The following KRT34 variants were observed in gnomAD, a reference collection of about 807,000 sequenced individuals.
KRT34 encodes the protein keratin 34, also known as keratin, type I cuticular Ha4.
Under a neutral mutation model 41.7 loss-of-function variants are expected in KRT34, and 31 were observed. That is an observed-to-expected ratio of 0.74 (90% CI 0.56 to 1.00). The LOEUF (loss-of-function observed/expected upper bound fraction) is 1.00, where lower values mean the gene tolerates loss of function less well. Ranked by LOEUF, KRT34 falls within the 50% of genes least tolerant of loss-of-function variation. KRT34 has a pLI of 0.00. For missense variants in KRT34, 523 were observed against 500.3 expected (o/e 1.05, Z -0.43); for synonymous variants, 224 against 212.9 (o/e 1.05, Z -0.45).
chr17:41,378,491 A>G (rs943860239), intron 6 of KRT34, among the ~76,000 whole-genome samples: 1 of 152,056 alleles, frequency 6.6e-6, no homozygotes, highest in African/African-American at 2.4e-5. Flanking sequence ...GGGTTTCACC[A>G]TGTTGGCCAG....
Position 41,379,624 on chromosome 17 carries a change from A to T in KRT34, c.696T>A (p.Tyr232Ter). 1 of 1,614,108 alleles carries T rather than the reference A, an allele frequency of 6.2e-7. No homozygotes were observed. The highest frequency in any genetic ancestry group is 1.1e-5 in the South Asian group (1 of 91,086). Residue 232 changes from tyrosine to a stop codon, truncating the protein, a stop_gained, in exon 4 of 7, where the codon TAT becomes TAA. Transcript: ENST00000394001. LOFTEE classifies it high-confidence loss of function. ...TGCGGTTAATTTCCACCAGAGCCTC[A>T]TACTGACTCCTGGTCTCGTTCAGGA... is the stretch of plus-strand genomic sequence containing the variant. ...NQVLNETRSQYEALVEINRRE... is the reference protein window; with the variant it reads ...NQVLNETRSQ
intron 2 of KRT34, 56 bp from the exon 3 acceptor site, chr17:41,381,268 A>T (rs577124838): frequency 6.4e-7 from 1 of 1,564,268 alleles, no homozygotes; most frequent in Admixed American, 1.8e-5. Context: ...TTCCCCTCTC[A>T]TGTGTTGTTT....
intron 6 of KRT34, 110 bp downstream of exon 6, chr17:41,378,846 T>C: frequency 1.4e-6 from 2 of 1,423,280 alleles, no homozygotes; most frequent in Non-Finnish European, 9.8e-7. Context: ...GGACACATGC[T>C]ACACAGTTAA....
rs1464713718 is a variant in KRT34 at position 41,377,900 on chromosome 17, G to A, written c.*159C>T. 5.0e-6 allele frequency: 3 copies of A among 595,518 alleles called. No homozygotes were observed. The highest frequency in any genetic ancestry group is 3.7e-5 in the African/African-American group (2 of 54,306). 36.9% of individuals were successfully genotyped at this position (595,518 alleles called of 1,614,324 possible). On this transcript the variant is annotated 3_prime_UTR_variant, in exon 7 of 7. Transcript: ENST00000394001. Reference sequence around the variant, plus strand: ...TTGGAAGTTGATGATGTGTGTCTTTGCTTGGGTCAGGAAAGCTTTTCAGCA... The same window carrying A: ...TTGGAAGTTGATGATGTGTGTCTTTACTTGGGTCAGGAAAGCTTTTCAGCA...
At chr17:41,380,366 A>G (rs2017955082) in intron 3 of KRT34, among the ~76,000 whole-genome samples, 1 of 152,210 alleles carries the variant, frequency 6.6e-6, no homozygotes, top group Non-Finnish European at 1.5e-5. Context: ...TCCCATAGAA[A>G]CGGAAACAAC....
Position 41,377,952 on chromosome 17 carries a change from G to T in KRT34, c.*107C>A. ...TCTAGAAATAACATAGAGGCAAGAT[G>T]AGGTTTCTTGATGTCAGCTGAGCTC... On this transcript the variant is annotated 3_prime_UTR_variant, in exon 7 of 7. Coordinates refer to ENST00000394001, the MANE Select transcript of KRT34 (RefSeq NM_001386014.1). The T allele has an allele frequency of 1.3e-6, 1 of 756,688 alleles. No individual in the cohort carries two copies. Among genetic ancestry groups the T allele is most frequent in the African/African-American group, 1.7e-5 (1 of 59,070 alleles). The allele number at this position is 756,688 out of a possible 1,614,324, so 46.9% of individuals were successfully genotyped here.
chr17:41,380,752 T>C (rs1363367148), intron 3 of KRT34, among the ~76,000 whole-genome samples: 7 of 152,194 alleles, frequency 4.6e-5, no homozygotes, highest in African/African-American at 7.2e-5. Flanking sequence ...CCATGTCTTA[T>C]TTCTTTTTTG....
chr17:41,378,216 T>A (rs2017882183), intron 6 of KRT34, 70 bp from the exon 7 acceptor site: 2 of 954,216 alleles, frequency 2.1e-6, no homozygotes, highest in Admixed American at 1.9e-5. Flanking sequence ...TTGGGCTTAA[T>A]GACACAACCT....
intron 2 of KRT34, among the ~76,000 whole-genome samples, chr17:41,381,444 G>A (rs191282166): frequency 4.8e-4 from 73 of 152,204 alleles, no homozygotes; most frequent in African/African-American, 9.1e-4. Context: ...CTGTGTTCTC[G>A]GTTTTGTTAG....
chr17:41,381,679 G>A (rs770009258), intron 2 of KRT34, 34 bp downstream of exon 2: 1 of 1,583,470 alleles, frequency 6.3e-7, no homozygotes. Flanking sequence ...CTAGGGCCAT[G>A]AAAGAACCAT....
chr17:41,378,952 T>A lies in KRT34; in HGVS notation c.1097+4A>T. 6.2e-7 allele frequency: 1 copy of A among 1,614,068 alleles called. No individual in the cohort carries two copies. The highest frequency in any genetic ancestry group is 8.5e-7 in the Non-Finnish European group (1 of 1,179,942). On this transcript the variant is annotated splice_donor_region_variant and intron_variant, in intron 6 of 6. Transcript: ENST00000394001. ...TTCCCAGACATTATTTGCCCCATACTCACTTGCAGTCCTCACTCTCCAGGA... is the reference window on the plus strand; with the variant it reads ...TTCCCAGACATTATTTGCCCCATACACACTTGCAGTCCTCACTCTCCAGGA...
Position 41,382,173 on chromosome 17 carries a change from C to A in KRT34, c.74G>T (p.Ser25Ile). The A allele has an allele frequency of 6.2e-7, 1 of 1,612,376 alleles. No homozygotes were observed. Among genetic ancestry groups the A allele is most frequent in the Non-Finnish European group, 8.5e-7 (1 of 1,180,026 alleles). ...SCSSRPCVPP[S>I]CHGYTLPGAC... ...CCCAGGCAGGGTGTAGCCGTGGCAG[C>A]TGGGGGGCACGCAGGGCCGGGAGGA... The change falls in exon 1 of 7, where the codon AGC becomes ATC. Residue 25 changes from serine (S) to isoleucine (I), a missense_variant. Coordinates refer to ENST00000394001, the MANE Select transcript of KRT34 (RefSeq NM_001386014.1).
In KRT34 at chr17:41,378,000, T is replaced by C. The variant is rs1428579494; in HGVS notation, c.*59A>G. Reference sequence around the variant, plus strand: ...CTCCAGAAAAGTCAGGACTTGAGGATCCTTCCTGTGGTTGATCTAAATGGC... The same window carrying C: ...CTCCAGAAAAGTCAGGACTTGAGGACCCTTCCTGTGGTTGATCTAAATGGC... On this transcript the variant is annotated 3_prime_UTR_variant, in exon 7 of 7. Coordinates refer to ENST00000394001, the MANE Select transcript of KRT34 (RefSeq NM_001386014.1). 1 of 1,272,514 alleles carries C rather than the reference T, an allele frequency of 7.9e-7. No individual in the cohort carries two copies. Among genetic ancestry groups the C allele is most frequent in the Non-Finnish European group, 1.1e-6 (1 of 874,202 alleles). 78.8% of individuals were successfully genotyped at this position (1,272,514 alleles called of 1,614,324 possible).
rs140296098 is a variant in KRT34 at position 41,379,689 on chromosome 17, C to T, written c.631G>A (p.Val211Met). 8.1e-5 allele frequency: 131 copies of T among 1,612,992 alleles called. No homozygotes were observed. In the African/African-American group the frequency reaches 1.7e-3, roughly 20 times the overall value. Residue 211 changes from valine to methionine, a missense_variant, in exon 4 of 7, where the codon GTG becomes ATG. Coordinates refer to ENST00000394001, the MANE Select transcript of KRT34 (RefSeq NM_001386014.1). ...ACAGTGGGGGCAGTGTCCACCTCCA[C>T]GTTGAGGCGGTCTCCAAGCTGGGAG... ...LRSQLGDRLN[V>M]EVDTAPTVDL...
Position 41,381,890 on chromosome 17 carries a change from C to T in KRT34, c.348+9G>A. ...TGCTGCTGGCCCCCCATATGGCCAA[C>T]CCCCTCACCTTCTGCTGGAGCTCCT... On this transcript the variant is annotated intron_variant, in intron 1 of 6. Coordinates refer to ENST00000394001, the MANE Select transcript of KRT34 (RefSeq NM_001386014.1). The T allele has an allele frequency of 6.2e-7, 1 of 1,613,666 alleles. No homozygotes were observed. The highest frequency in any genetic ancestry group is 1.1e-5 in the South Asian group (1 of 91,080).
In KRT34 at chr17:41,380,384, C is replaced by G. The variant is rs1017026083; in HGVS notation, c.589-653G>C. On this transcript the variant is annotated intron_variant, in intron 3 of 6. Transcript: ENST00000394001. ...CATAGAAACGGAAACAACCTCACAC[C>G]TTCTACAAGACTAAGTCTAAACTCC... Among the ~76,000 whole-genome samples, 4 of 152,332 alleles carry G rather than the reference C, an allele frequency of 2.6e-5. No homozygotes were observed. In the Middle Eastern group the frequency reaches 0.014, roughly 518 times the overall value.
intron 6 of KRT34, 64 bp from the exon 7 acceptor site, chr17:41,378,210 G>A: frequency 7.9e-6 from 8 of 1,016,246 alleles, no homozygotes; most frequent in Admixed American, 1.8e-5. Flanking sequence ...AATACCTTGG[G>A]CTTAATGACA....
rs1567677675 is a variant in KRT34, at chr17:41,382,170, C to G, written c.77G>C (p.Cys26Ser). 6.2e-7 allele frequency: 1 copy of G among 1,612,236 alleles called. No individual in the cohort carries two copies. The highest frequency in any genetic ancestry group is 1.3e-5 in the African/African-American group (1 of 74,886). Residue 26 changes from cysteine to serine, a missense_variant, in exon 1 of 7, where the codon TGC becomes TCC. Transcript: ENST00000394001. ...CSSRPCVPPS[C>S]HGYTLPGACN... ...GGCCCCAGGCAGGGTGTAGCCGTGG[C>G]AGCTGGGGGGCACGCAGGGCCGGGA...
Position 41,379,356 on chromosome 17 carries a change from G to A in KRT34, c.873C>T (p.Asn291=), listed in dbSNP as rs775688450. 8.1e-6 allele frequency: 13 copies of A among 1,613,058 alleles called. No homozygotes were observed. Among genetic ancestry groups the A allele is most frequent in the Middle Eastern group, 1.9e-4 (1 of 5,256 alleles). ...ALEIELQAQH[N]LRDSLENTLT... ...AGCAGGTCTGAACAATACACACCAG[G>A]TTGTGCTGGGCCTGCAGCTCGATCT... is the stretch of plus-strand genomic sequence containing the variant. Residue 291 remains asparagine, a synonymous_variant, in exon 5 of 7, where the codon AAC becomes AAT. Transcript: ENST00000394001.
Sources: gnomAD v4.1 joint callset for allele counts (sites outside exome capture counted in the v4.1 genomes callset) on GRCh38, gnomAD v4.1.1 for gene constraint, MANE v1.5 for transcripts, NCBI Gene and HGNC (gene_info 2026-07-23, HGNC 2026-07-21) for gene names.